The following ADGRB1 variants were observed in gnomAD, a reference collection of about 807,000 sequenced individuals.
ADGRB1 encodes the protein brain-specific angiogenesis inhibitor 1.
A neutral mutation model predicts 175.7 loss-of-function variants in ADGRB1; 36 were observed. That is an observed-to-expected ratio of 0.20 (90% confidence interval 0.16 to 0.27). ADGRB1 has a LOEUF of 0.27. ADGRB1 is among the 10% of genes least tolerant of loss of function. The pLI is 1.00. For synonymous variants in ADGRB1, 1,054 were observed against 979.4 expected (o/e 1.08, Z -1.42); for missense variants, 1,731 against 2,255.3 (o/e 0.77, Z 4.71).
intron 12 of ADGRB1, among the ~76,000 whole-genome samples, chr8:142,484,320 T>A (rs1034354418): frequency 4.6e-5 from 7 of 152,130 alleles, no homozygotes; most frequent in African/African-American, 1.7e-4. Context: ...AGCTGGGACA[T>A]AGAGCCCTCC....
At chr8:142,453,205 G>A (rs1224592952) in intron 1 of ADGRB1, among the ~76,000 whole-genome samples, 2 of 152,168 alleles carry the variant, frequency 1.3e-5, no homozygotes, top group Non-Finnish European at 2.9e-5. Context: ...GCGCATGCAC[G>A]TGCGTGCCCG....
In ADGRB1 at chr8:142,513,416, C is replaced by A. The variant is rs142614933; in HGVS notation, c.2817+2343C>A. On this transcript the variant is annotated intron_variant, in intron 18 of 30. Transcript: ENST00000517894. ...GCCCCTTGGGGCCTTCCTGTCCTTT[C>A]CACACCACCTCTTCCTCCTCAGCAA... Among the ~76,000 whole-genome samples, 538 of 152,328 alleles carry A rather than the reference C, an allele frequency of 3.5e-3. 5 individuals are homozygous for A. Among genetic ancestry groups the A allele is most frequent in the African/African-American group, 0.012 (502 of 41,574 alleles).
At chr8:142,462,478 G>A (rs895740758) in intron 1 of ADGRB1, among the ~76,000 whole-genome samples, 32 of 152,356 alleles carry the variant, frequency 2.1e-4, no homozygotes, top group African/African-American at 5.5e-4. Flanking sequence ...TCCAGCCTCC[G>A]GCCTCCTGGC....
At chr8:142,525,631 G>A (rs1275776962) in intron 23 of ADGRB1, among the ~76,000 whole-genome samples, 1 of 152,196 alleles carries the variant, frequency 6.6e-6, no homozygotes, top group Non-Finnish European at 1.5e-5. Context: ...ATCCATTGTG[G>A]AAAGCAGGCC....
intron 23 of ADGRB1, 112 bp downstream of exon 23, chr8:142,524,416 G>C (rs1451305160): frequency 2.4e-6 from 3 of 1,230,540 alleles, no homozygotes; most frequent in Non-Finnish European, 3.4e-6. Flanking sequence ...GTCCCTTCAG[G>C]ATGGCCCTCA....
At chr8:142,535,258 A>G (rs1844858833) in intron 25 of ADGRB1, among the ~76,000 whole-genome samples, 2 of 152,206 alleles carry the variant, frequency 1.3e-5, no homozygotes, top group Non-Finnish European at 2.9e-5. Context: ...GGCAGAGCCC[A>G]GGGCCAGCTG....
chr8:142,531,362 G>A (rs1385691601), intron 24 of ADGRB1, among the ~76,000 whole-genome samples: 1 of 152,258 alleles, frequency 6.6e-6, no homozygotes, highest in African/African-American at 2.4e-5. Flanking sequence ...GTGAGTGACA[G>A]CCAGGGCCCT....
At chr8:142,452,867 C>T (rs1839438104) in intron 1 of ADGRB1, among the ~76,000 whole-genome samples, 1 of 150,462 alleles carries the variant, frequency 6.6e-6, no homozygotes. Flanking sequence ...CGGCGCGGGG[C>T]CGCAGTGGCG....
intron 21 of ADGRB1, 24 bp from the exon 22 acceptor site, chr8:142,522,617 A>C (rs1587407003): frequency 2.6e-6 from 4 of 1,540,282 alleles, no homozygotes; most frequent in Non-Finnish European, 3.5e-6. Flanking sequence ...TGGGGCCAAC[A>C]CCCTCTCTCT....
At position 142,537,373 on chromosome 8, in the gene ADGRB1, C is replaced by T. The variant is rs1844994309; in HGVS notation, c.3666+291C>T. Among the ~76,000 whole-genome samples, 1 of 152,086 alleles carries T rather than the reference C, an allele frequency of 6.6e-6. No homozygotes were observed. Among genetic ancestry groups the T allele is most frequent in the Non-Finnish European group, 1.5e-5 (1 of 67,996 alleles). On this transcript the variant is annotated intron_variant, in intron 26 of 30. Transcript: ENST00000517894. This position sits in a 1 kb window ranked among gnomAD's most constrained non-coding sequence, Gnocchi z 4.6. Reference sequence around the variant, plus strand: ...CAGTGCCCGTCTGGCTGGACACCACCCTCTGAGCATCCCAGCCCTCAACTC... The same window carrying T: ...CAGTGCCCGTCTGGCTGGACACCACTCTCTGAGCATCCCAGCCCTCAACTC...
intron 17 of ADGRB1, among the ~76,000 whole-genome samples, chr8:142,495,478 C>T (rs527697762): frequency 1.6e-4 from 25 of 152,274 alleles, no homozygotes; most frequent in African/African-American, 5.8e-4. Context: ...TTTAAAACAA[C>T]AGATATCTAT....
chr8:142,528,770 G>C (rs935320523), intron 24 of ADGRB1, among the ~76,000 whole-genome samples: 2 of 152,098 alleles, frequency 1.3e-5, no homozygotes, highest in Non-Finnish European at 2.9e-5. Flanking sequence ...TGGGTTTCTA[G>C]GCCACTCCCG....
chr8:142,541,966 C>T lies in ADGRB1; in HGVS notation c.3732C>T (p.Cys1244=), dbSNP rs377350439. ...TGCTGAACAAGGACATCGCGGCCTG[C>T]CGCACTGCCACCATCACGGGCACAC... is the stretch of plus-strand genomic sequence containing the variant. ...RSVLNKDIAA[C]RTATITGTLK... The change falls in exon 28 of 31, where the codon TGC becomes TGT. Residue 1244 remains cysteine, a synonymous_variant. Transcript: ENST00000517894. 1.4e-4 allele frequency: 221 copies of T among 1,565,530 alleles called. No individual in the cohort carries two copies. The highest frequency in any genetic ancestry group is 1.8e-4 in the Non-Finnish European group (209 of 1,158,180).
chr8:142,451,876 C>T (rs890633008), intron 1 of ADGRB1, among the ~76,000 whole-genome samples: 5 of 152,178 alleles, frequency 3.3e-5, no homozygotes, highest in Admixed American at 1.3e-4. Context: ...GGAGGTCGAG[C>T]CGCTCCCTCC....
rs770399870 is a variant in ADGRB1, at chr8:142,518,188, C to T, written c.2868C>T (p.Gly956=). ...CGGTGACGCTCATCGTGGGCTGTGG[C>T]GTGTCCTCTCTCACCCTGCTCATGC... ...LPSVTLIVGC[G]VSSLTLLMLV... Residue 956 remains glycine (G), a synonymous_variant, in exon 19 of 31, where the codon GGC becomes GGT. Coordinates refer to ENST00000517894, the MANE Select transcript of ADGRB1 (RefSeq NM_001702.3). 33 of 1,613,672 alleles carry T rather than the reference C, an allele frequency of 2.0e-5. No homozygotes were observed. Among genetic ancestry groups the T allele is most frequent in the African/African-American group, 5.3e-5 (4 of 74,912 alleles).
chr8:142,488,505 C>T lies in ADGRB1; in HGVS notation c.2450C>T (p.Thr817Ile). ...VSKSVFSTGL[T>I]EADEASVFVV... Reference sequence around the variant, plus strand: ...AAGAGTGTCTTCTCCACGGGGCTGACAGGTGAGGGGCCCAGGGAGTGGAGG... The same window carrying T: ...AAGAGTGTCTTCTCCACGGGGCTGATAGGTGAGGGGCCCAGGGAGTGGAGG... Residue 817 changes from threonine to isoleucine, a missense_variant and splice_region_variant, in exon 14 of 31, where the codon ACA (threonine) becomes ATA (isoleucine). This residue lies in a region of ADGRB1 where 388 missense variants were observed against 630.9 expected (regional missense o/e 0.61). Transcript: ENST00000517894. 2 of 1,612,374 alleles carry T rather than the reference C, an allele frequency of 1.2e-6. No homozygotes were observed. The highest frequency in any genetic ancestry group is 1.1e-5 in the South Asian group (1 of 91,040).
At chr8:142,517,592 G>A (rs1206473991) in intron 18 of ADGRB1, among the ~76,000 whole-genome samples, 3 of 152,274 alleles carry the variant, frequency 2.0e-5, no homozygotes, top group Admixed American at 6.5e-5. Context: ...AGGGGTGGGA[G>A]GGGGAGGGCT....
Position 142,542,460 on chromosome 8 carries a change from C to A in ADGRB1, c.4226C>A (p.Ala1409Asp). Reference sequence around the variant, plus strand: ...GGCGGGCCCCCCGAGGCACCCCCTGCCCAGCCCCCACCGCCTCCGCCCCCA... The same window carrying A: ...GGCGGGCCCCCCGAGGCACCCCCTGACCAGCCCCCACCGCCTCCGCCCCCA... The part of the protein sequence containing the change: ...PSGGPPEAPP[A>D]QPPPPPPPPP... Residue 1409 changes from alanine to aspartate, a missense_variant, in exon 28 of 31, where the codon GCC becomes GAC. Ala to Asp is a moderately radical substitution (Grantham distance 126). This residue lies in a region of ADGRB1 where 394 missense variants were observed against 410.2 expected (regional missense o/e 0.96). Coordinates refer to ENST00000517894, the MANE Select transcript of ADGRB1 (RefSeq NM_001702.3). This position sits in a 1 kb window ranked among gnomAD's most constrained non-coding sequence, Gnocchi z 6.3. 7.5e-7 allele frequency: 1 copy of A among 1,331,476 alleles called. No homozygotes were observed. Among genetic ancestry groups the A allele is most frequent in the Non-Finnish European group, 9.9e-7 (1 of 1,011,306 alleles). The allele number at this position is 1,331,476 out of a possible 1,614,324, so 82.5% of individuals were successfully genotyped here.
rs1841017194 is a variant in ADGRB1, at chr8:142,477,019, C to T, written c.1058-95C>T. 3.6e-6 allele frequency: 5 copies of T among 1,406,078 alleles called. No homozygotes were observed. The East Asian group carries it at 1.0e-4, about 29-fold the overall frequency. 87.1% of individuals were successfully genotyped at this position (1,406,078 alleles called of 1,614,324 possible). ...CTCTGCCCCAGCCCCGCTGCCTGCT[C>T]CCCAGCAGGGCAGCCCTCCTGCTGC... is the stretch of plus-strand genomic sequence containing the variant. On this transcript the variant is annotated intron_variant, in intron 4 of 30. Transcript: ENST00000517894.
Sources: gnomAD v4.1 joint callset for allele counts (sites outside exome capture counted in the v4.1 genomes callset) on GRCh38, gnomAD v4.1.1 for gene constraint, gnomAD v4.1.1 regional missense constraint, Gnocchi (gnomAD v3.1) non-coding constraint, MANE v1.5 for transcripts, NCBI Gene and HGNC (gene_info 2026-07-23, HGNC 2026-07-21) for gene names.